CTNNA3: variants seen among roughly 807,000 people sequenced by gnomAD.
CTNNA3 encodes the protein catenin alpha-3.
CTNNA3 carries 76 observed loss-of-function variants against 95.7 expected under a neutral mutation model. That is an observed-to-expected ratio of 0.79 (90% confidence interval 0.66 to 0.96). The LOEUF (loss-of-function observed/expected upper bound fraction) is 0.96. CTNNA3 is among the 40% of genes least tolerant of loss of function. The pLI is 0.00. For missense variants in CTNNA3, 1,191 were observed against 1,089.8 expected, an observed-to-expected ratio of 1.09 and a Z score of -1.31; for synonymous variants, 431 against 374.4, an observed-to-expected ratio of 1.15 and a Z score of -1.74.
chr10:66,596,208 G>A (rs1158119), intron 10 of CTNNA3, among the ~76,000 whole-genome samples: 47,970 of 151,760 alleles, frequency 0.32, 8,892 homozygotes, highest in East Asian at 0.85. Flanking sequence ...TCAACAACTG[G>A]CCATAAATCC....
intron 13 of CTNNA3, among the ~76,000 whole-genome samples, chr10:66,214,298 A>G (rs559846085): frequency 6.6e-6 from 1 of 152,308 alleles, no homozygotes; most frequent in African/African-American, 2.4e-5. Context: ...TATTTGTGTA[A>G]CTGCAAGCAG....
chr10:67,321,965 T>A (rs971641729), intron 5 of CTNNA3, among the ~76,000 whole-genome samples: 2 of 152,110 alleles, frequency 1.3e-5, no homozygotes, highest in African/African-American at 4.8e-5. Context: ...ACACCCCACA[T>A]TGAATCCATC....
At chr10:67,144,902 C>T (rs1164318807) in intron 7 of CTNNA3, among the ~76,000 whole-genome samples, 1 of 152,180 alleles carries the variant, frequency 6.6e-6, no homozygotes, top group African/African-American at 2.4e-5. Flanking sequence ...CCTGCGTAAG[C>T]TTTCAACATG....
chr10:67,570,639 T>C (rs536740895), intron 3 of CTNNA3, among the ~76,000 whole-genome samples: 61 of 152,328 alleles, frequency 4.0e-4, no homozygotes, highest in Non-Finnish European at 5.4e-4. Context: ...ATACTCACCA[T>C]GTATAAACTG....
At chr10:66,757,306 A>C (rs1457402198) in intron 9 of CTNNA3, among the ~76,000 whole-genome samples, 10 of 152,166 alleles carry the variant, frequency 6.6e-5, no homozygotes, top group Admixed American at 6.6e-4. Flanking sequence ...GATTAGGAAG[A>C]ATATTCATAA....
At chr10:66,154,181 A>T in intron 13 of CTNNA3, among the ~76,000 whole-genome samples, 1 of 151,836 alleles carries the variant, frequency 6.6e-6, no homozygotes, top group Admixed American at 6.6e-5. Flanking sequence ...ATCCAGCTTC[A>T]ATTGGTTTAT....
intron 1 of CTNNA3, among the ~76,000 whole-genome samples, chr10:67,747,463 G>A (rs951396607): frequency 7.9e-5 from 12 of 152,216 alleles, no homozygotes; most frequent in Middle Eastern, 3.4e-3. Context: ...CTCCAGGTGC[G>A]AGAGGGACCC....
intron 15 of CTNNA3, among the ~76,000 whole-genome samples, chr10:66,049,596 G>A (rs111537012): frequency 5.2e-4 from 79 of 152,092 alleles, no homozygotes; most frequent in Non-Finnish European, 7.4e-4. Context: ...TACATAATAC[G>A]TCATACTATG....
intron 7 of CTNNA3, among the ~76,000 whole-genome samples, chr10:66,818,734 T>TA (rs150729561): frequency 0.18 from 27,021 of 151,766 alleles, 3,071 homozygotes; most frequent in East Asian, 0.44. Flanking sequence ...TTTGTGGGTT[T>TA]TTTTCAGAAA....
intron 10 of CTNNA3, among the ~76,000 whole-genome samples, chr10:66,613,647 A>G (rs1409142429): frequency 6.6e-6 from 1 of 152,108 alleles, no homozygotes; most frequent in Non-Finnish European, 1.5e-5. Flanking sequence ...TCTTGAGGAT[A>G]CACCACTCAA....
At chr10:67,032,122 T>C (rs890970040) in intron 7 of CTNNA3, among the ~76,000 whole-genome samples, 1 of 152,160 alleles carries the variant, frequency 6.6e-6, no homozygotes, top group Non-Finnish European at 1.5e-5. Context: ...ACAAGGTTTG[T>C]TTCCACTTTA....
At chr10:66,882,761 G>A (rs909959170) in intron 7 of CTNNA3, among the ~76,000 whole-genome samples, 1 of 152,038 alleles carries the variant, frequency 6.6e-6, no homozygotes, top group African/African-American at 2.4e-5. Flanking sequence ...TATATATTGA[G>A]AGAAGTGAAA....
intron 2 of CTNNA3, among the ~76,000 whole-genome samples, chr10:67,646,160 A>G (rs1040495102): frequency 2.0e-5 from 3 of 149,558 alleles, no homozygotes; most frequent in Non-Finnish European, 4.4e-5. Flanking sequence ...GAACTTCATT[A>G]GAAAAACAAA....
chr10:67,179,507 A>AC (rs915045990), intron 7 of CTNNA3, among the ~76,000 whole-genome samples: 3 of 151,456 alleles, frequency 2.0e-5, no homozygotes, highest in African/African-American at 7.3e-5. Flanking sequence ...AAAAAAAAAA[A>AC]AAAAAAACTA....
At chr10:66,749,412 C>G (rs1405901620) in intron 9 of CTNNA3, among the ~76,000 whole-genome samples, 1 of 152,048 alleles carries the variant, frequency 6.6e-6, no homozygotes, top group Admixed American at 6.6e-5. Flanking sequence ...TAATCTTTTA[C>G]TGTCCACATA....
chr10:66,608,484 A>G (rs1428870726), intron 10 of CTNNA3, among the ~76,000 whole-genome samples: 1 of 152,178 alleles, frequency 6.6e-6, no homozygotes, highest in East Asian at 1.9e-4. Flanking sequence ...GAGCCCGAAT[A>G]GCCAAGACAA....
chr10:65,928,772 A>G (rs1039245116), intron 17 of CTNNA3, among the ~76,000 whole-genome samples: 2 of 152,152 alleles, frequency 1.3e-5, no homozygotes, highest in Non-Finnish European at 2.9e-5. Flanking sequence ...TGATCAAATA[A>G]TGTTTCTCAT....
intron 13 of CTNNA3, among the ~76,000 whole-genome samples, chr10:66,110,558 A>G (rs2082084750): frequency 6.6e-6 from 1 of 152,084 alleles, no homozygotes; most frequent in African/African-American, 2.4e-5. Flanking sequence ...TAGCCTTTAA[A>G]AAAAGGAAAT....
At chr10:67,058,848 A>G (rs1245816274) in intron 7 of CTNNA3, among the ~76,000 whole-genome samples, 1 of 152,184 alleles carries the variant, frequency 6.6e-6, no homozygotes, top group Non-Finnish European at 1.5e-5. Context: ...TTAGACACAT[A>G]TCAATTTCTA....
Sources: gnomAD v4.1 joint callset for allele counts (sites outside exome capture counted in the v4.1 genomes callset) on GRCh38, gnomAD v4.1.1 for gene constraint, MANE v1.5 for transcripts, NCBI Gene and HGNC (gene_info 2026-07-23, HGNC 2026-07-21) for gene names.